HCN1: variants seen among roughly 807,000 people sequenced by gnomAD.
HCN1 encodes hyperpolarization activated cyclic nucleotide gated potassium channel 1, also known as potassium/sodium hyperpolarization-activated cyclic nucleotide-gated channel 1.
HCN1 carries 13 observed loss-of-function variants against 78.9 expected under a neutral mutation model. The ratio of observed to expected loss-of-function variants is 0.16; its 90% CI spans 0.11 to 0.26. The LOEUF (loss-of-function observed/expected upper bound fraction) is 0.26. Ranked by LOEUF, HCN1 falls within the 10% of genes least tolerant of loss-of-function variation. The pLI is 1.00. For synonymous variants in HCN1, 552 were observed against 455.5 expected (o/e 1.21, Z -2.70); for missense variants, 810 against 1,154.3 (o/e 0.70, Z 4.32).
chr5:45,315,953 A>G (rs1384255229), intron 5 of HCN1, among the ~76,000 whole-genome samples: 1 of 152,216 alleles, frequency 6.6e-6, no homozygotes, highest in East Asian at 1.9e-4. Flanking sequence ...GTACAGGACC[A>G]GATGGATTCC....
At chr5:45,557,139 A>G (rs1184418135) in intron 2 of HCN1, among the ~76,000 whole-genome samples, 6 of 152,070 alleles carry the variant, frequency 3.9e-5, no homozygotes, top group Admixed American at 3.9e-4. Context: ...GAAATATCAA[A>G]TCTTCCCAAT....
chr5:45,627,074 T>G (rs1745179309), intron 2 of HCN1, among the ~76,000 whole-genome samples: 1 of 152,056 alleles, frequency 6.6e-6, no homozygotes, highest in Non-Finnish European at 1.5e-5. Flanking sequence ...CCAAATATAT[T>G]TCTCAAAGTC....
In HCN1 at chr5:45,353,351, C is replaced by T. The variant is rs1010586824; in HGVS notation, c.1231-105G>A. On this transcript the variant is annotated intron_variant, in intron 4 of 7. Coordinates refer to ENST00000303230, the MANE Select transcript of HCN1 (RefSeq NM_021072.4). ...TCAATAATATTTGAATACTCAGTTA[C>T]AAAAAAAAAGAAATCCTTTAAGATG... 1.3e-5 allele frequency: 11 copies of T among 823,222 alleles called. No individual in the cohort carries two copies. In the African/African-American group the frequency reaches 1.4e-4, roughly 11 times the overall value. The allele number at this position is 823,222 out of a possible 1,614,324, so 51.0% of individuals were successfully genotyped here.
At chr5:45,510,542 C>G (rs550057483) in intron 2 of HCN1, among the ~76,000 whole-genome samples, 2 of 151,834 alleles carry the variant, frequency 1.3e-5, no homozygotes, top group South Asian at 4.2e-4. Context: ...GTGGGTATAC[C>G]AAATATAGTG....
intron 5 of HCN1, among the ~76,000 whole-genome samples, chr5:45,352,224 AG>A (rs1246749819): frequency 2.0e-5 from 3 of 152,178 alleles, no homozygotes; most frequent in African/African-American, 7.2e-5. Context: ...TGTCCTTTGT[AG>A]GGACATGGAT....
At chr5:45,318,252 A>T (rs564442156) in intron 5 of HCN1, among the ~76,000 whole-genome samples, 170 of 152,282 alleles carry the variant, frequency 1.1e-3, no homozygotes, top group South Asian at 8.9e-3. Flanking sequence ...AGATGAATTC[A>T]TGTCCTTTGT....
chr5:45,348,651 G>T (rs953871762), intron 5 of HCN1, among the ~76,000 whole-genome samples: 1 of 152,102 alleles, frequency 6.6e-6, no homozygotes, highest in Non-Finnish European at 1.5e-5. Context: ...ACATAACATA[G>T]GCTCAAAATA....
intron 3 of HCN1, among the ~76,000 whole-genome samples, chr5:45,442,932 C>G (rs1431648047): frequency 6.6e-6 from 1 of 152,002 alleles, no homozygotes; most frequent in Admixed American, 6.6e-5. Context: ...TCTTCAAGAG[C>G]TAGTTTAACT....
chr5:45,393,309 A>T (rs528809412), intron 4 of HCN1, among the ~76,000 whole-genome samples: 3 of 152,276 alleles, frequency 2.0e-5, no homozygotes, highest in African/African-American at 7.2e-5. Context: ...TTCTATTACT[A>T]TAGTTATTTG....
chr5:45,391,019 A>G (rs1185951270), intron 4 of HCN1, among the ~76,000 whole-genome samples: 2 of 152,080 alleles, frequency 1.3e-5, no homozygotes, highest in African/African-American at 4.8e-5. Context: ...TCTACTACCA[A>G]TTTAACATAC....
At chr5:45,555,282 C>T (rs971713048) in intron 2 of HCN1, among the ~76,000 whole-genome samples, 2 of 151,598 alleles carry the variant, frequency 1.3e-5, no homozygotes, top group Non-Finnish European at 2.9e-5. Flanking sequence ...AAAAAGTAAT[C>T]CCATTTACAC....
At chr5:45,347,010 C>A (rs2111973183) in intron 5 of HCN1, among the ~76,000 whole-genome samples, 1 of 152,322 alleles carries the variant, frequency 6.6e-6, no homozygotes, top group East Asian at 1.9e-4. Flanking sequence ...TTGAAGAGAG[C>A]AGTGGTTCTC....
intron 1 of HCN1, among the ~76,000 whole-genome samples, chr5:45,683,706 A>G (rs913404249): frequency 2.0e-5 from 3 of 150,420 alleles, no homozygotes; most frequent in African/African-American, 7.4e-5. Context: ...TCACTTTGTC[A>G]TTTAGCCTGG....
chr5:45,536,590 T>C (rs1742973522), intron 2 of HCN1, among the ~76,000 whole-genome samples: 1 of 152,196 alleles, frequency 6.6e-6, no homozygotes, highest in African/African-American at 2.4e-5. Flanking sequence ...TATTCCTTTT[T>C]CCCATTAAGT....
At chr5:45,664,826 T>C (rs1353668139) in intron 1 of HCN1, among the ~76,000 whole-genome samples, 1 of 151,830 alleles carries the variant, frequency 6.6e-6, no homozygotes, top group Non-Finnish European at 1.5e-5. Context: ...TGTGGAGAAA[T>C]AGGAACACTT....
chr5:45,405,383 A>G (rs1345293347), intron 3 of HCN1, among the ~76,000 whole-genome samples: 1 of 152,146 alleles, frequency 6.6e-6, no homozygotes, highest in Non-Finnish European at 1.5e-5. Flanking sequence ...AACCCTGGGC[A>G]TAGAATGACT....
chr5:45,592,570 A>G (rs1744389422), intron 2 of HCN1, among the ~76,000 whole-genome samples: 1 of 152,058 alleles, frequency 6.6e-6, no homozygotes. Context: ...GTTCTAAATG[A>G]AAAATATTAG....
intron 3 of HCN1, among the ~76,000 whole-genome samples, chr5:45,438,295 G>A (rs946145147): frequency 1.3e-5 from 2 of 152,104 alleles, no homozygotes; most frequent in African/African-American, 4.8e-5. Context: ...GATACAGAAT[G>A]GCTAAGATGT....
intron 2 of HCN1, among the ~76,000 whole-genome samples, chr5:45,534,784 T>C (rs1439261603): frequency 1.3e-5 from 2 of 152,192 alleles, no homozygotes; most frequent in African/African-American, 4.8e-5. Context: ...TTGAATTCAT[T>C]TGCTAAATAG....
Sources: allele counts gnomAD v4.1 joint callset (sites outside exome capture counted in the v4.1 genomes callset), GRCh38; gene constraint gnomAD v4.1.1; transcripts MANE v1.5; gene names NCBI Gene and HGNC (gene_info 2026-07-23, HGNC 2026-07-21).